The following RANBP1 variants were observed in gnomAD, a reference collection of about 807,000 sequenced individuals.
RANBP1 encodes RAN binding protein 1.
RANBP1 carries 16 observed loss-of-function variants against 31.4 expected under a neutral mutation model. That is an observed-to-expected ratio of 0.51 (90% CI 0.34 to 0.77). The LOEUF (loss-of-function observed/expected upper bound fraction) is 0.77. RANBP1 is among the 30% of genes least tolerant of loss of function. The pLI is 0.01. For synonymous variants in RANBP1, 129 were observed against 140.5 expected (o/e 0.92, Z 0.58); for missense variants, 265 against 362.0 (o/e 0.73, Z 2.17).
Position 20,127,206 on chromosome 22 carries a change from T to C in RANBP1, c.*154T>C. The C allele has an allele frequency of 3.6e-6, 2 of 560,838 alleles. No individual in the cohort carries two copies. Among genetic ancestry groups the C allele is most frequent in the Non-Finnish European group, 5.8e-6 (2 of 342,566 alleles). 34.7% of individuals were successfully genotyped at this position (560,838 alleles called of 1,614,324 possible). A position where few individuals can be genotyped will look rare whatever the true frequency, so the allele number is the denominator to read the frequency against. ...CAACATTCAGGTTGTTTTTTTTTTT[T>C]GTTTCTAAGTTTTTGCCCTATTGAA... is the stretch of plus-strand genomic sequence containing the variant. On this transcript the variant is annotated 3_prime_UTR_variant, in exon 6 of 6. Transcript: ENST00000430524.
At position 20,126,346 on chromosome 22, in the gene RANBP1, G is replaced by C; in HGVS notation, c.714G>C (p.Glu238Asp). Residue 238 changes from glutamate to aspartate, a missense_variant, in exon 5 of 6, where the codon GAG (glutamate) becomes GAC (aspartate). Physicochemically the swap from Glu to Asp is conservative, Grantham distance 45. Around this residue, in one of 3 missense-constraint regions of RANBP1, gnomAD observed 49 missense variants for 47.9 expected, o/e 1.02. Coordinates refer to ENST00000430524, the MANE Select transcript of RANBP1 (RefSeq NM_001278639.2). Reference sequence around the variant, plus strand: ...CAAAGTTTGAAGAATGCAGGAAAGAGATCGAAGAGAGAGAAAAGAAAGGTG... The same window carrying C: ...CAAAGTTTGAAGAATGCAGGAAAGACATCGAAGAGAGAGAAAAGAAAGGTG... ...FKTKFEECRK[E>D]IEEREKKAGS... 1.2e-6 allele frequency: 2 copies of C among 1,614,026 alleles called. No individual in the cohort carries two copies. The highest frequency in any genetic ancestry group is 1.7e-6 in the Non-Finnish European group (2 of 1,180,020).
rs2050129154 is a variant in RANBP1, at chr22:20,119,519, C to G, written c.383+370C>G. On this transcript the variant is annotated intron_variant, in intron 2 of 5. Transcript: ENST00000430524. ...CATCGTGAAGCTTATAAATCCCCCACCCGGTGTCTGTTGTTGTTGTTGTTT... is the reference window on the plus strand; with the variant it reads ...CATCGTGAAGCTTATAAATCCCCCAGCCGGTGTCTGTTGTTGTTGTTGTTT... The G allele has an allele frequency of 1.3e-5, 3 of 232,248 alleles. No individual in the cohort carries two copies. The East Asian group carries it at 3.4e-4, about 26-fold the overall frequency. The allele number at this position is 232,248 out of a possible 1,614,324, so 14.4% of individuals were successfully genotyped here. A position where few individuals can be genotyped will look rare whatever the true frequency, so the allele number is the denominator to read the frequency against.
At position 20,127,020 on chromosome 22, in the gene RANBP1, G is replaced by A. The variant is rs2050315577; in HGVS notation, c.805G>A (p.Glu269Lys). Residue 269 changes from glutamate (E) to lysine (K), a missense_variant, in exon 6 of 6, where the codon GAG becomes AAG. Physicochemically the swap from Glu to Lys is moderately conservative, Grantham distance 56. Around this residue, in one of 3 missense-constraint regions of RANBP1, gnomAD observed 49 missense variants for 47.9 expected, o/e 1.02. Transcript: ENST00000430524. ...GCTAGAAGCTCTCTCGGTGAAGGAG[G>A]AGACCAAGGAGGATGCTGAGGAGAA... is the stretch of plus-strand genomic sequence containing the variant. ...EKLEALSVKEETKEDAEEKQ is the reference protein window; with the variant it reads ...EKLEALSVKEKTKEDAEEKQ 2 of 1,613,614 alleles carry A rather than the reference G, an allele frequency of 1.2e-6. No individual in the cohort carries two copies. Among genetic ancestry groups the A allele is most frequent in the Non-Finnish European group, 1.7e-6 (2 of 1,179,824 alleles).
intron 1 of RANBP1, chr22:20,117,697 C>CGGGCGG: frequency 3.4e-5 from 3 of 89,296 alleles, no homozygotes; most frequent in Non-Finnish European, 4.1e-5. Context: ...ACAGGGTGGG[C>CGGGCGG]GGGCGGGGCC....
chr22:20,122,608 C>T, intron 3 of RANBP1, 187 bp downstream of exon 3: 1 of 1,528,192 alleles, frequency 6.5e-7, no homozygotes, highest in Non-Finnish European at 8.8e-7. Context: ...AGCAGGCCCG[C>T]AGCGAAGCTT....
intron 3 of RANBP1, among the ~76,000 whole-genome samples, chr22:20,123,659 C>G (rs2050236901): frequency 6.6e-6 from 1 of 152,094 alleles, no homozygotes; most frequent in East Asian, 1.9e-4. Context: ...TCCTGGGCGC[C>G]TCTGAAGCTA....
At position 20,122,512 on chromosome 22, in the gene RANBP1, G is replaced by A. The variant is rs192018600; in HGVS notation, c.541+91G>A. Reference sequence around the variant, plus strand: ...CAGGGCTGATTGGGAACTGGGGAGCGTGTTATTTCATGGAGTGCAAGTTTG... The same window carrying A: ...CAGGGCTGATTGGGAACTGGGGAGCATGTTATTTCATGGAGTGCAAGTTTG... On this transcript the variant is annotated intron_variant, in intron 3 of 5. Transcript: ENST00000430524. The A allele has an allele frequency of 9.7e-5, 155 of 1,597,076 alleles. No individual in the cohort carries two copies. In the Admixed American group the frequency reaches 1.4e-3, roughly 14 times the overall value.
chr22:20,125,273 C>T, intron 3 of RANBP1, 35 bp from the exon 4 acceptor site: 1 of 1,610,906 alleles, frequency 6.2e-7, no homozygotes, highest in Non-Finnish European at 8.5e-7. Context: ...CCTTTGCAGT[C>T]ATCTCACCAT....
Position 20,116,408 on chromosome 22 carries a change from G to C in RANBP1, c.224G>C (p.Ser75Thr), listed in dbSNP as rs747410281. ...CTGGCGTGGCGAGGCACGTTCTGCA[G>C]CTCCAGTTTAAAGATCTCAGAGGTA... ...LKLAWRGTFC[S>T]SSLKISEDTH... Residue 75 changes from serine to threonine, a missense_variant, in exon 1 of 6, where the codon AGC (serine) becomes ACC (threonine). This residue lies in a region of RANBP1 where 126 missense variants were observed against 123.6 expected (regional missense o/e 1.02). Transcript: ENST00000430524. 9 of 1,611,826 alleles carry C rather than the reference G, an allele frequency of 5.6e-6. No individual in the cohort carries two copies. In the Admixed American group the frequency reaches 1.0e-4, roughly 18 times the overall value.
At chr22:20,123,029 G>A (rs1157145768) in intron 3 of RANBP1, among the ~76,000 whole-genome samples, 1 of 108,782 alleles carries the variant, frequency 9.2e-6, no homozygotes, top group African/African-American at 3.7e-5. Context: ...GGTGTCTGGC[G>A]GGGGTGGTTG....
In RANBP1 at chr22:20,126,384, G is replaced by A; in HGVS notation, c.736+16G>A. On this transcript the variant is annotated intron_variant, in intron 5 of 5. Transcript: ENST00000430524. ...GAAAAGAAAGGTGACGTGGTGCCAT[G>A]GGTTGGGGGGCTTCTTTGCAGACTC... 6.2e-7 allele frequency: 1 copy of A among 1,613,986 alleles called. No individual in the cohort carries two copies. Among genetic ancestry groups the A allele is most frequent in the Non-Finnish European group, 8.5e-7 (1 of 1,179,988 alleles).
At chr22:20,119,494 C>G (rs1210563167) in intron 2 of RANBP1, 9 of 253,938 alleles carry the variant, frequency 3.5e-5, no homozygotes, top group Non-Finnish European at 6.9e-5. Context: ...ACTTCTTTGG[C>G]ATCGTGAAGC....
intron 1 of RANBP1, chr22:20,116,847 A>T: frequency 3.5e-6 from 2 of 578,668 alleles, no homozygotes; most frequent in Non-Finnish European, 4.9e-6. Context: ...CTCCCACCCC[A>T]TCCCCGTCTC....
At position 20,119,060 on chromosome 22, in the gene RANBP1, C is replaced by T. The variant is rs2050118170; in HGVS notation, c.294C>T (p.Ser98=). The part of the protein sequence containing the change: ...HDTSTENTDE[S]NHDPQFEPIV... ...CTTCCACTGAGAATACAGACGAGTC[C>T]AACCATGACCCTCAGTTTGAGCCAA... The change falls in exon 2 of 6, where the codon TCC becomes TCT. Residue 98 remains serine, a synonymous_variant. Coordinates refer to ENST00000430524, the MANE Select transcript of RANBP1 (RefSeq NM_001278639.2). The T allele has an allele frequency of 6.2e-7, 1 of 1,612,790 alleles. No individual in the cohort carries two copies. Among genetic ancestry groups the T allele is most frequent in the African/African-American group, 1.3e-5 (1 of 74,890 alleles).
intron 4 of RANBP1, among the ~76,000 whole-genome samples, chr22:20,126,044 G>A (rs930288042): frequency 6.6e-5 from 10 of 152,160 alleles, no homozygotes; most frequent in Non-Finnish European, 1.0e-4. Flanking sequence ...TTTCCAACAC[G>A]GTTGGGAGCC....
At chr22:20,119,907 G>A (rs2050138361) in intron 2 of RANBP1, among the ~76,000 whole-genome samples, 1 of 152,236 alleles carries the variant, frequency 6.6e-6, no homozygotes. Context: ...CTGTACATGT[G>A]CTTCTTGACG....
intron 3 of RANBP1, among the ~76,000 whole-genome samples, chr22:20,123,884 G>C (rs182115133): frequency 7.7e-4 from 117 of 152,192 alleles, no homozygotes; most frequent in Non-Finnish European, 1.9e-4. Flanking sequence ...GTCGTTTGCT[G>C]AGTGTCATGC....
chr22:20,117,697 CG>C, intron 1 of RANBP1: 1 of 89,296 alleles, frequency 1.1e-5, no homozygotes, highest in Non-Finnish European at 1.4e-5. Flanking sequence ...ACAGGGTGGG[CG>C]GGCGGGGCCG....
intron 5 of RANBP1, 181 bp downstream of exon 5, chr22:20,126,549 C>T (rs1371969872): frequency 9.6e-6 from 15 of 1,567,948 alleles, no homozygotes; most frequent in African/African-American, 1.4e-5. Flanking sequence ...GCCCTGAGCA[C>T]TTGTCAGTGT....
Sources: allele counts gnomAD v4.1 joint callset (sites outside exome capture counted in the v4.1 genomes callset), GRCh38; gene constraint gnomAD v4.1.1; regional missense constraint gnomAD v4.1.1; transcripts MANE v1.5; gene names NCBI Gene and HGNC (gene_info 2026-07-23, HGNC 2026-07-21).